SKIC3: variants seen among roughly 807,000 people sequenced by gnomAD.
SKIC3 encodes the protein SKI3 subunit of superkiller complex.
chr5:95,508,399 C>T, the SKIC3 span, among the ~76,000 whole-genome samples: 1 of 152,302 alleles, frequency 6.6e-6, no homozygotes, highest in Non-Finnish European at 1.5e-5. Context: ...GATTTCATTT[C>T]CTACCACTCT....
the SKIC3 span, among the ~76,000 whole-genome samples, chr5:95,487,451 G>C: frequency 6.6e-6 from 1 of 152,162 alleles, no homozygotes; most frequent in Non-Finnish European, 1.5e-5. Flanking sequence ...TGGCATCCAA[G>C]GACAGGCAAG....
At chr5:95,543,435 C>G in the SKIC3 span, 3 of 1,257,184 alleles carry the variant, frequency 2.4e-6, no homozygotes, top group Non-Finnish European at 3.4e-6. Flanking sequence ...TACCACTTAA[C>G]AGGGCAAACT....
chr5:95,505,020 G>A, the SKIC3 span, among the ~76,000 whole-genome samples: 4 of 151,788 alleles, frequency 2.6e-5, no homozygotes, highest in Non-Finnish European at 5.9e-5. Context: ...AAAAAAGAGG[G>A]AGGAAAATAT....
At chr5:95,524,227 C>T in the SKIC3 span, among the ~76,000 whole-genome samples, 3 of 152,076 alleles carry the variant, frequency 2.0e-5, no homozygotes, top group Admixed American at 6.6e-5. Context: ...GTATTGTTTA[C>T]AAGAGATAAT....
the SKIC3 span, among the ~76,000 whole-genome samples, chr5:95,548,074 TA>T: frequency 6.6e-6 from 1 of 152,114 alleles, no homozygotes; most frequent in Non-Finnish European, 1.5e-5. Context: ...TAAATTAGCA[TA>T]TTTTAAGATT....
At chr5:95,503,717 C>T in the SKIC3 span, 17 of 1,560,410 alleles carry the variant, frequency 1.1e-5, no homozygotes, top group Non-Finnish European at 1.4e-5. Context: ...ACATTGCAAC[C>T]CCCACCCCAT....
At chr5:95,491,229 C>G in the SKIC3 span, among the ~76,000 whole-genome samples, 3 of 152,096 alleles carry the variant, frequency 2.0e-5, no homozygotes, top group Non-Finnish European at 4.4e-5. Flanking sequence ...CCAGATTTGC[C>G]AATTTTTCCA....
At chr5:95,535,307 ATT>A in the SKIC3 span, among the ~76,000 whole-genome samples, 111 of 91,788 alleles carry the variant, frequency 1.2e-3, no homozygotes, top group Middle Eastern at 7.6e-3. Context: ...GGTAACAGCA[ATT>A]TTTTTTTTTT....
At chr5:95,509,749 G>A in the SKIC3 span, 36 of 1,137,412 alleles carry the variant, frequency 3.2e-5, no homozygotes, top group Middle Eastern at 4.1e-4. Flanking sequence ...CAAAATATTC[G>A]TTTTATTTTT....
the SKIC3 span, chr5:95,509,641 T>TGTGA: frequency 6.2e-7 from 1 of 1,613,944 alleles, no homozygotes; most frequent in East Asian, 2.2e-5. Context: ...GATGTTCGTT[T>TGTGA]AAGTAACCCA....
chr5:95,469,941 A>G, the SKIC3 span: 4 of 1,609,806 alleles, frequency 2.5e-6, no homozygotes, highest in Non-Finnish European at 3.4e-6. Context: ...TATTAACTCA[A>G]AGATTTGGCA....
At chr5:95,507,181 A>G in the SKIC3 span, among the ~76,000 whole-genome samples, 1 of 152,202 alleles carries the variant, frequency 6.6e-6, no homozygotes, top group African/African-American at 2.4e-5. Flanking sequence ...GCACTTATAT[A>G]TATTTAGATT....
the SKIC3 span, chr5:95,516,765 AATTAG>A: frequency 1.2e-6 from 2 of 1,611,156 alleles, no homozygotes; most frequent in Non-Finnish European, 1.7e-6. Context: ...AAAGAAGTTA[AATTAG>A]ATTAATTTTT....
the SKIC3 span, among the ~76,000 whole-genome samples, chr5:95,501,714 A>T: frequency 1.3e-5 from 2 of 151,928 alleles, no homozygotes; most frequent in Admixed American, 1.3e-4. Context: ...GTATATATAT[A>T]TATTTTTTCC....
At chr5:95,532,206 T>G in the SKIC3 span, among the ~76,000 whole-genome samples, 1 of 152,092 alleles carries the variant, frequency 6.6e-6, no homozygotes, top group Non-Finnish European at 1.5e-5. Flanking sequence ...ATATTTAGGG[T>G]AGCTTAAACA....
chr5:95,530,203 A>G, the SKIC3 span: 1 of 1,613,388 alleles, frequency 6.2e-7, no homozygotes, highest in Admixed American at 1.7e-5. Context: ...CTACAACAAT[A>G]CTGCTGCCCC....
the SKIC3 span, chr5:95,507,106 T>C: frequency 8.7e-7 from 1 of 1,152,068 alleles, no homozygotes; most frequent in Non-Finnish European, 1.3e-6. Flanking sequence ...TTCATTTAAT[T>C]CTACTAATTC....
At chr5:95,469,588 AG>A in the SKIC3 span, among the ~76,000 whole-genome samples, 1 of 152,190 alleles carries the variant, frequency 6.6e-6, no homozygotes, top group African/African-American at 2.4e-5. Context: ...AACAAATATA[AG>A]GCTTTGTTTC....
chr5:95,480,473 C>T, the SKIC3 span, among the ~76,000 whole-genome samples: 39 of 152,142 alleles, frequency 2.6e-4, no homozygotes, highest in African/African-American at 9.2e-4. Context: ...CATTAGATAT[C>T]AGGTAAACAC....
Sources: gnomAD v4.1 joint callset for allele counts (sites outside exome capture counted in the v4.1 genomes callset) on GRCh38, gnomAD v4.1.1 for gene constraint, MANE v1.5 for transcripts, NCBI Gene and HGNC (gene_info 2026-07-23, HGNC 2026-07-21) for gene names.